Variants in FER1L6 observed in about 807,000 individuals in gnomAD.
FER1L6 encodes fer-1-like protein 6.
A neutral mutation model predicts 219.2 loss-of-function variants in FER1L6; 177 were observed. That is an observed-to-expected ratio of 0.81 (90% CI 0.71 to 0.91). FER1L6 has a LOEUF of 0.91. FER1L6 is among the 40% of genes least tolerant of loss of function. The pLI, the probability that FER1L6 is intolerant of heterozygous loss-of-function variation, is 0.00. For synonymous variants in FER1L6, 768 were observed against 824.3 expected (o/e 0.93, Z 1.17); for missense variants, 2,153 against 2,259.9 (o/e 0.95, Z 0.96).
intron 18 of FER1L6, among the ~76,000 whole-genome samples, chr8:124,031,182 C>G (rs963143599): frequency 2.0e-5 from 3 of 152,034 alleles, no homozygotes; most frequent in African/African-American, 7.2e-5. Flanking sequence ...CCTTGGCCCT[C>G]TGAAGCTTCG....
rs148664328 is a variant in FER1L6 at position 123,921,577 on chromosome 8, G to A, written c.-7-34415G>A. Among the ~76,000 whole-genome samples the A allele has an allele frequency of 5.5e-3, 814 of 148,150 alleles. 24 individuals are homozygous for A. Among genetic ancestry groups the A allele is most frequent in the Admixed American group, 0.051 (750 of 14,756 alleles). On this transcript the variant is annotated intron_variant, in intron 1 of 40. Transcript: ENST00000522917. ...TTTTGTAGAGACTGGATCTTGCTGT[G>A]TTGCCCAGGATGGTCTCAAACTCCT...
At chr8:123,988,128 G>A (rs565328313) in intron 12 of FER1L6, among the ~76,000 whole-genome samples, 1 of 145,856 alleles carries the variant, frequency 6.9e-6, no homozygotes, top group East Asian at 2.0e-4. Flanking sequence ...AAAAAAAAGA[G>A]TTCAGTATAG....
intron 1 of FER1L6, among the ~76,000 whole-genome samples, chr8:123,905,994 C>T (rs962476590): frequency 7.2e-5 from 11 of 152,054 alleles, no homozygotes; most frequent in African/African-American, 2.7e-4. Flanking sequence ...CAAGAGAAGC[C>T]AAGGGGCCAG....
intron 12 of FER1L6, among the ~76,000 whole-genome samples, chr8:123,992,574 G>C (rs542406515): frequency 6.6e-6 from 1 of 152,096 alleles, no homozygotes; most frequent in Admixed American, 6.5e-5. Flanking sequence ...TTCTAATTGA[G>C]ATTATTTGCA....
chr8:123,892,042 G>C (rs995940564), intron 1 of FER1L6, among the ~76,000 whole-genome samples: 1 of 152,208 alleles, frequency 6.6e-6, no homozygotes. Context: ...TTGGAGCTTA[G>C]ATCGCTGTTT....
chr8:124,067,991 C>G (rs1820897649), intron 28 of FER1L6, among the ~76,000 whole-genome samples, 185 bp downstream of exon 28: 1 of 152,164 alleles, frequency 6.6e-6, no homozygotes, highest in Non-Finnish European at 1.5e-5. Context: ...TGGGCTGGAA[C>G]CAGATCTCAG....
At chr8:124,077,998 C>T (rs1377434086) in intron 32 of FER1L6, among the ~76,000 whole-genome samples, 1 of 152,104 alleles carries the variant, frequency 6.6e-6, no homozygotes, top group Non-Finnish European at 1.5e-5. Context: ...GTTGCTTTAC[C>T]TTTCTTCGTA....
At chr8:123,949,639 T>A (rs1814668964) in intron 1 of FER1L6, among the ~76,000 whole-genome samples, 1 of 152,170 alleles carries the variant, frequency 6.6e-6, no homozygotes, top group South Asian at 2.1e-4. Context: ...CTCTGAATCA[T>A]ATGGACTTGC....
chr8:124,035,000 C>G (rs1452328617), intron 18 of FER1L6, among the ~76,000 whole-genome samples: 1 of 152,200 alleles, frequency 6.6e-6, no homozygotes, highest in Non-Finnish European at 1.5e-5. Context: ...ACACCTACTA[C>G]CTATTAAGTT....
At chr8:124,035,519 A>C (rs911353274) in intron 19 of FER1L6, 65 bp downstream of exon 19, 2 of 1,508,610 alleles carry the variant, frequency 1.3e-6, no homozygotes, top group Non-Finnish European at 1.8e-6. Context: ...AAAGATAATA[A>C]GGAGGGCAGC....
chr8:123,858,509 G>A (rs1172043111), intron 1 of FER1L6, among the ~76,000 whole-genome samples: 2 of 152,158 alleles, frequency 1.3e-5, no homozygotes, highest in African/African-American at 4.8e-5. Flanking sequence ...ATGAGGTTGG[G>A]TCCTGGATTG....
intron 1 of FER1L6, among the ~76,000 whole-genome samples, chr8:123,929,237 C>T (rs1465338796): frequency 6.6e-6 from 1 of 152,184 alleles, no homozygotes; most frequent in Admixed American, 6.5e-5. Flanking sequence ...CTGCCCCATG[C>T]ACATGCATGA....
At position 124,045,690 on chromosome 8, in the gene FER1L6, G is replaced by A. The variant is rs141869762; in HGVS notation, c.2590-77G>A. 4.7e-5 allele frequency: 69 copies of A among 1,471,948 alleles called. No homozygotes were observed. In the East Asian group the frequency reaches 1.4e-3, roughly 30 times the overall value. 91.2% of individuals were successfully genotyped at this position (1,471,948 alleles called of 1,614,324 possible). Reference sequence around the variant, plus strand: ...GATGTGTTCTCTTTCCCCTGTATAAGTATTTGATGAATGAACCTTAGAGCC... The same window carrying A: ...GATGTGTTCTCTTTCCCCTGTATAAATATTTGATGAATGAACCTTAGAGCC... On this transcript the variant is annotated intron_variant, in intron 20 of 40. Transcript: ENST00000522917.
chr8:124,090,444 T>G (rs1389793131), intron 33 of FER1L6, among the ~76,000 whole-genome samples: 1 of 152,216 alleles, frequency 6.6e-6, no homozygotes, highest in Non-Finnish European at 1.5e-5. Context: ...AGCAGTATAG[T>G]TGTCTGGGGA....
In FER1L6 at chr8:123,912,490, A is replaced by G. The variant is rs546233140; in HGVS notation, c.-7-43502A>G. On this transcript the variant is annotated intron_variant, in intron 1 of 40. Coordinates refer to ENST00000522917, the MANE Select transcript of FER1L6 (RefSeq NM_001039112.2). ...AATTTTATAGCCTAACATGGGACAT[A>G]TACACATTCACAGATATAATTCATT... Among the ~76,000 whole-genome samples the G allele has an allele frequency of 2.0e-4, 30 of 152,272 alleles. 1 individual carries two copies. In the South Asian group the frequency reaches 3.7e-3, roughly 19 times the overall value.
chr8:124,060,939 G>C, intron 24 of FER1L6: 1 of 391,222 alleles, frequency 2.6e-6, no homozygotes, highest in South Asian at 3.2e-5. Flanking sequence ...CTATAACAGT[G>C]GTTCCCAAAG....
intron 1 of FER1L6, among the ~76,000 whole-genome samples, chr8:123,871,557 G>C (rs1200918298): frequency 1.3e-5 from 2 of 152,252 alleles, no homozygotes; most frequent in East Asian, 3.9e-4. Flanking sequence ...GAATAAAGTA[G>C]TATTTTATCA....
At chr8:124,068,648 G>A (rs1179284702) in intron 28 of FER1L6, among the ~76,000 whole-genome samples, 7 of 152,120 alleles carry the variant, frequency 4.6e-5, no homozygotes, top group African/African-American at 1.7e-4. Flanking sequence ...AAAAAGCTTT[G>A]GAGTCAGTCC....
intron 1 of FER1L6, among the ~76,000 whole-genome samples, chr8:123,949,488 T>A (rs1814659391): frequency 6.6e-6 from 1 of 152,198 alleles, no homozygotes; most frequent in Non-Finnish European, 1.5e-5. Flanking sequence ...CATACCCTTC[T>A]CTTTACCCTA....
Sources: allele counts gnomAD v4.1 joint callset (sites outside exome capture counted in the v4.1 genomes callset), GRCh38; gene constraint gnomAD v4.1.1; transcripts MANE v1.5; gene names NCBI Gene and HGNC (gene_info 2026-07-23, HGNC 2026-07-21).